The following SELENOW variants were observed in gnomAD, a reference collection of about 807,000 sequenced individuals.
The protein encoded by SELENOW is selenoprotein W, 1.
SELENOW carries 20 observed loss-of-function variants against 16.6 expected under a neutral mutation model. That is an observed-to-expected ratio of 1.21 (90% CI 0.85 to 1.76). The LOEUF (loss-of-function observed/expected upper bound fraction) is 1.76. Among genes scored for constraint, SELENOW ranks in the 40% most tolerant of loss-of-function variants. The pLI, the probability that SELENOW is intolerant of heterozygous loss-of-function variation, is 0.00. For synonymous variants in SELENOW, 44 were observed against 46.2 expected, an observed-to-expected ratio of 0.95 and a Z score of 0.19; for missense variants, 124 against 111.0, an observed-to-expected ratio of 1.12 and a Z score of -0.53.
intron 1 of SELENOW, chr19:47,780,303 C>T: frequency 2.7e-6 from 1 of 364,476 alleles, no homozygotes; most frequent in South Asian, 2.0e-5. Context: ...GCTGCGAGGG[C>T]TGTGGGTGAG....
intron 1 of SELENOW, chr19:47,779,819 A>AG (rs1252371714): frequency 2.3e-5 from 4 of 174,520 alleles, no homozygotes; most frequent in Non-Finnish European, 5.0e-5. Context: ...AAAAAAAAAA[A>AG]GTAAATTAAA....
At position 47,781,169 on chromosome 19, in the gene SELENOW, TTCACTC is replaced by T; in HGVS notation, c.172_177del (p.His58_Ser59del). The T allele has an allele frequency of 6.2e-7, 1 of 1,613,834 alleles. No homozygotes were observed. The highest frequency in any genetic ancestry group is 8.5e-7 in the Non-Finnish European group (1 of 1,179,812). ...GAAGTGATGGTAGCCGGGAAGTTGA[TTCACTC>T]TAAGAAGGTATGTCTGTCTGTCCGT... On this transcript the variant is annotated inframe_deletion, in exon 4 of 6. Coordinates refer to ENST00000601048, the MANE Select transcript of SELENOW (RefSeq NM_003009.4).
At chr19:47,778,855 C>T (rs1339990968) in intron 1 of SELENOW, 41 bp downstream of exon 1, 2 of 1,581,668 alleles carry the variant, frequency 1.3e-6, no homozygotes, top group Admixed American at 1.8e-5. Context: ...CGACCCCCGC[C>T]GGGACCCGAT....
At chr19:47,781,987 G>A (rs1428086907) in intron 5 of SELENOW, among the ~76,000 whole-genome samples, 1 of 152,104 alleles carries the variant, frequency 6.6e-6, no homozygotes, top group Non-Finnish European at 1.5e-5. Context: ...TGAGTTGGTG[G>A]TGGGGTCAGA....
chr19:47,778,795 G>C lies in SELENOW; in HGVS notation c.10G>C (p.Ala4Pro). The change falls in exon 1 of 6, where the codon GCC becomes CCC. Residue 4 changes from alanine (A) to proline (P), a missense_variant. Coordinates refer to ENST00000601048, the MANE Select transcript of SELENOW (RefSeq NM_003009.4). ...GTGGCAGCCCCGAGCCATGGCTCTC[G>C]CCGTCCGAGTCGTTTATTGGTAAGC... Reference protein sequence around the residue: MALAVRVVYCGAUG... With the variant: MALPVRVVYCGAUG... 6.2e-7 allele frequency: 1 copy of C among 1,605,768 alleles called. No homozygotes were observed. Among genetic ancestry groups the C allele is most frequent in the Non-Finnish European group, 8.5e-7 (1 of 1,176,980 alleles).
At chr19:47,781,032 T>TC in intron 3 of SELENOW, 76 bp from the exon 4 acceptor site, 2 of 1,551,844 alleles carry the variant, frequency 1.3e-6, no homozygotes, top group Non-Finnish European at 1.8e-6. Flanking sequence ...CATGTTCTCA[T>TC]CCCCCTGGGA....
chr19:47,780,067 G>A (rs1967454374), intron 1 of SELENOW: 1 of 452,222 alleles, frequency 2.2e-6, no homozygotes, highest in African/African-American at 2.0e-5. Flanking sequence ...TGTGGGGGTT[G>A]GGTGAGCCTG....
At chr19:47,782,548 C>CT (rs3837957) in intron 5 of SELENOW, 63,664 of 149,294 alleles carry the variant, frequency 0.43, 14,482 homozygotes, top group South Asian at 0.58. Flanking sequence ...TTCTTTCTTT[C>CT]TTTTTTTTTT....
At chr19:47,783,820 T>C (rs1967502655) in intron 5 of SELENOW, 1 of 152,078 alleles carries the variant, frequency 6.6e-6, no homozygotes, top group Non-Finnish European at 1.5e-5. Context: ...AATTGCCTAA[T>C]TCCAAAGCTG....
chr19:47,780,458 T>C lies in SELENOW; in HGVS notation c.30-267T>C, dbSNP rs73563690. 2,581 of 542,324 alleles carry C rather than the reference T, an allele frequency of 4.8e-3. 54 individuals carry two copies. The highest frequency in any genetic ancestry group is 0.045 in the African/African-American group (2,340 of 52,290). The allele number at this position is 542,324 out of a possible 1,614,324, so 33.6% of individuals were successfully genotyped here. On this transcript the variant is annotated intron_variant, in intron 1 of 5. Transcript: ENST00000601048. ...CCCTTTTTCCCCTCCCCCTTCTCTG[T>C]CTCTTGCTTGGTGTTGGTTTTCTGT...
intron 1 of SELENOW, chr19:47,780,511 C>A: frequency 1.7e-6 from 1 of 598,128 alleles, no homozygotes; most frequent in Non-Finnish European, 3.0e-6. Context: ...CGCGCCACCC[C>A]CTGTGCTGTG....
chr19:47,779,168 A>G (rs998885913), intron 1 of SELENOW: 2 of 276,420 alleles, frequency 7.2e-6, no homozygotes, highest in Admixed American at 5.3e-5. Context: ...CCCTCCCCCA[A>G]TATCCCGAAC....
At chr19:47,779,240 G>A (rs1431867230) in intron 1 of SELENOW, 1 of 168,520 alleles carries the variant, frequency 5.9e-6, no homozygotes, top group Non-Finnish European at 1.3e-5. Context: ...CTGTGTTTCA[G>A]AAGCACTTGA....
At chr19:47,780,120 C>A (rs1186913642) in intron 1 of SELENOW, 5 of 455,610 alleles carry the variant, frequency 1.1e-5, no homozygotes, top group Non-Finnish European at 2.2e-5. Flanking sequence ...AATCTAGGAG[C>A]TGCGGGGCCG....
intron 1 of SELENOW, chr19:47,779,355 A>G (rs529222326): frequency 6.5e-6 from 1 of 154,338 alleles, no homozygotes; most frequent in Non-Finnish European, 1.4e-5. Flanking sequence ...TCAATACCGA[A>G]CACGCTTAAT....
In SELENOW at chr19:47,781,312, C is replaced by T. The variant is rs576115329; in HGVS notation, c.206C>T (p.Thr69Ile). 2 of 1,613,590 alleles carry T rather than the reference C, an allele frequency of 1.2e-6. No homozygotes were observed. The highest frequency in any genetic ancestry group is 8.5e-7 in the Non-Finnish European group (1 of 1,179,678). Reference sequence around the variant, plus strand: ...TAGAAAGGCGATGGCTACGTGGACACAGAAAGCAAGTTTCTGAAGTTGGTG... The same window carrying T: ...TAGAAAGGCGATGGCTACGTGGACATAGAAAGCAAGTTTCTGAAGTTGGTG... ...SKKKGDGYVD[T>I]ESKFLKLVAA... is the part of the protein sequence containing the mutation. Residue 69 changes from threonine (T) to isoleucine (I), a missense_variant, in exon 5 of 6, where the codon ACA (threonine) becomes ATA (isoleucine). Coordinates refer to ENST00000601048, the MANE Select transcript of SELENOW (RefSeq NM_003009.4).
Position 47,779,835 on chromosome 19 carries a change from G to C in SELENOW, c.30-890G>C, listed in dbSNP as rs1007963017. 2.3e-5 allele frequency: 4 copies of C among 174,350 alleles called. No individual in the cohort carries two copies. In the South Asian group the frequency reaches 4.6e-4, roughly 20 times the overall value. The allele number at this position is 174,350 out of a possible 1,614,324, so 10.8% of individuals were successfully genotyped here. ...AAAAAAAAAAGTAAATTAAAGAGAGGAATTTTAGTTCTATGTTACAGGTGA... is the reference window on the plus strand; with the variant it reads ...AAAAAAAAAAGTAAATTAAAGAGAGCAATTTTAGTTCTATGTTACAGGTGA... On this transcript the variant is annotated intron_variant, in intron 1 of 5. Transcript: ENST00000601048.
At chr19:47,779,806 CT>C in intron 1 of SELENOW, 1 of 175,410 alleles carries the variant, frequency 5.7e-6, no homozygotes, top group Non-Finnish European at 1.2e-5. Flanking sequence ...GAGACTCTGT[CT>C]CAAAAAAAAA....
At chr19:47,780,686 C>G (rs760067254) in intron 1 of SELENOW, 39 bp from the exon 2 acceptor site, 5 of 1,549,824 alleles carry the variant, frequency 3.2e-6, no homozygotes, top group Non-Finnish European at 3.5e-6. Flanking sequence ...ACTTCTCCCT[C>G]TCTCCCCTGG....
Sources: allele counts gnomAD v4.1 joint callset (sites outside exome capture counted in the v4.1 genomes callset), GRCh38; gene constraint gnomAD v4.1.1; transcripts MANE v1.5; gene names NCBI Gene and HGNC (gene_info 2026-07-23, HGNC 2026-07-21).